UNC13C: variants seen among roughly 807,000 people sequenced by gnomAD.
UNC13C encodes unc-13 homolog C.
UNC13C carries 174 observed loss-of-function variants against 245.4 expected under a neutral mutation model. The observed-to-expected ratio is 0.71, with a 90% CI of 0.63 to 0.80. The LOEUF (loss-of-function observed/expected upper bound fraction) is 0.80. UNC13C is among the 30% of genes least tolerant of loss of function. The pLI is 0.00. For synonymous variants in UNC13C, 992 were observed against 895.1 expected (o/e 1.11, Z -1.93); for missense variants, 2,829 against 2,602.9 (o/e 1.09, Z -1.89).
At chr15:53,839,047 CT>C in the UNC13C span, among the ~76,000 whole-genome samples, 1 of 151,980 alleles carries the variant, frequency 6.6e-6, no homozygotes. Context: ...TAGCTATGAG[CT>C]TTTCTGATTC....
At chr15:53,877,441 G>A in the UNC13C span, among the ~76,000 whole-genome samples, 25,244 of 152,068 alleles carry the variant, frequency 0.17, 2,795 homozygotes, top group Non-Finnish European at 0.24. Flanking sequence ...GACTGGGTAG[G>A]GTTAATCCAG....
At chr15:54,020,262 A>AT (rs1224511101) in intron 2 of UNC13C, among the ~76,000 whole-genome samples, 1 of 149,598 alleles carries the variant, frequency 6.7e-6, no homozygotes, top group African/African-American at 2.5e-5. Context: ...AATATTAATA[A>AT]TTTTTTTCTT....
At chr15:54,151,251 C>A (rs1248240864) in intron 4 of UNC13C, among the ~76,000 whole-genome samples, 1 of 114,130 alleles carries the variant, frequency 8.8e-6, no homozygotes, top group African/African-American at 3.0e-5. Flanking sequence ...ATCTTCTGAG[C>A]TTTAGGAGGC....
chr15:54,226,544 C>G (rs79316414), intron 4 of UNC13C, among the ~76,000 whole-genome samples: 1 of 152,166 alleles, frequency 6.6e-6, no homozygotes, highest in East Asian at 1.9e-4. Context: ...GACCACTTAC[C>G]TTGTTCCATC....
the UNC13C span, among the ~76,000 whole-genome samples, chr15:53,894,301 A>G: frequency 3.3e-5 from 5 of 152,180 alleles, no homozygotes; most frequent in African/African-American, 1.2e-4. Flanking sequence ...CTTTGCTAAT[A>G]TTGGTATTTA....
chr15:54,533,423 G>A (rs1303719105), intron 26 of UNC13C, among the ~76,000 whole-genome samples: 6 of 152,180 alleles, frequency 3.9e-5, no homozygotes, highest in African/African-American at 1.4e-4. Flanking sequence ...GCTGAGTCCA[G>A]AATAGCTGAT....
At chr15:54,256,688 A>G (rs1358266295) in intron 8 of UNC13C, among the ~76,000 whole-genome samples, 1 of 152,180 alleles carries the variant, frequency 6.6e-6, no homozygotes, top group East Asian at 1.9e-4. Flanking sequence ...AACAACAACG[A>G]AAACACTATA....
chr15:53,967,857 G>C, the UNC13C span: 2 of 152,174 alleles, frequency 1.3e-5, no homozygotes, highest in African/African-American at 4.8e-5. Flanking sequence ...TGCCAACTGT[G>C]ATGCTTTGTT....
rs188093045 is a variant in UNC13C, at chr15:54,125,582, T to A, written c.2984-17436T>A. On this transcript the variant is annotated intron_variant, in intron 2 of 32. Coordinates refer to ENST00000260323, the MANE Select transcript of UNC13C (RefSeq NM_001080534.3). ...TTTTCCAATTCACAAACGTGGTACA[T>A]CTCTTCATCTATTGAGATAGTCTTT... Among the ~76,000 whole-genome samples the A allele has an allele frequency of 2.1e-3, 327 of 152,344 alleles. 3 individuals are homozygous for A. The highest frequency in any genetic ancestry group is 1.4e-3 in the Non-Finnish European group (94 of 68,020).
chr15:53,985,689 G>A (rs1043696537), intron 1 of UNC13C, among the ~76,000 whole-genome samples: 2 of 151,916 alleles, frequency 1.3e-5, no homozygotes, highest in Non-Finnish European at 2.9e-5. Flanking sequence ...GGTGGAAGAC[G>A]GATTTTTATT....
At chr15:53,921,250 G>A in the UNC13C span, among the ~76,000 whole-genome samples, 2 of 152,062 alleles carry the variant, frequency 1.3e-5, no homozygotes, top group East Asian at 1.9e-4. Flanking sequence ...TTTACTCTGC[G>A]AACTTCTCAG....
the UNC13C span, among the ~76,000 whole-genome samples, chr15:53,872,385 G>A: frequency 6.6e-6 from 1 of 152,014 alleles, no homozygotes; most frequent in Admixed American, 6.6e-5. Context: ...TTGGAGAAAT[G>A]AGGGAGTAGT....
Position 54,172,743 on chromosome 15 carries a change from T to A in UNC13C, c.3071+29059T>A, listed in dbSNP as rs1015997231. ...ATATATATATATATATATATATATATATATATATATATATATATCTTTACT... is the reference window on the plus strand; with the variant it reads ...ATATATATATATATATATATATATAAATATATATATATATATATCTTTACT... On this transcript the variant is annotated intron_variant, in intron 4 of 32. Coordinates refer to ENST00000260323, the MANE Select transcript of UNC13C (RefSeq NM_001080534.3). 1.3e-4 allele frequency among the ~76,000 whole-genome samples: 11 copies of A among 82,130 alleles called. 1 individual carries two copies. The highest frequency in any genetic ancestry group is 1.1e-3 in the South Asian group (3 of 2,728). The allele number at this position is 82,130 out of a possible 152,430, so 53.9% of individuals were successfully genotyped here. A position where few individuals can be genotyped will look rare whatever the true frequency, so the allele number is the denominator to read the frequency against.
intron 10 of UNC13C, among the ~76,000 whole-genome samples, chr15:54,278,438 A>C (rs2036891812): frequency 6.6e-6 from 1 of 152,106 alleles, no homozygotes; most frequent in South Asian, 2.1e-4. Flanking sequence ...GGAATGGCTG[A>C]ATTTCTGGAA....
chr15:54,462,726 G>A (rs372175018), intron 19 of UNC13C, among the ~76,000 whole-genome samples: 4 of 152,212 alleles, frequency 2.6e-5, no homozygotes, highest in Admixed American at 6.5e-5. Flanking sequence ...CGCCATGCCT[G>A]AGCCCCCCAA....
At position 54,626,904 on chromosome 15, in the gene UNC13C, G is replaced by C; in HGVS notation, c.6436G>C (p.Asp2146His). Residue 2146 changes from aspartate to histidine, a missense_variant, in exon 33 of 33, where the codon GAT becomes CAT. Asp to His is a moderately conservative substitution (Grantham distance 81). Transcript: ENST00000260323. The stretch of plus-strand genomic sequence containing the variant: ...TAAGGATTACTGCTTTGCCAGAGAA[G>C]ATCGAATTATCGGAATGACAGTCAT... ...SVKDYCFARE[D>H]RIIGMTVIQL... 6.2e-7 allele frequency: 1 copy of C among 1,613,358 alleles called. No homozygotes were observed. Among genetic ancestry groups the C allele is most frequent in the Non-Finnish European group, 8.5e-7 (1 of 1,179,568 alleles).
chr15:54,376,528 T>A (rs1434280016), intron 17 of UNC13C, among the ~76,000 whole-genome samples: 1 of 152,172 alleles, frequency 6.6e-6, no homozygotes, highest in East Asian at 1.9e-4. Context: ...TATTGTTACA[T>A]GAAAGTCTAA....
chr15:54,201,447 A>G (rs1482394563), intron 4 of UNC13C, among the ~76,000 whole-genome samples: 7 of 152,078 alleles, frequency 4.6e-5, no homozygotes, highest in Non-Finnish European at 1.0e-4. Context: ...CTAACAGCAT[A>G]TCAAAAAGAT....
At chr15:54,422,013 G>A (rs1185073181) in intron 19 of UNC13C, among the ~76,000 whole-genome samples, 1 of 151,968 alleles carries the variant, frequency 6.6e-6, no homozygotes, top group Admixed American at 6.6e-5. Context: ...TGGATGAAAA[G>A]CATGTCCATT....
Sources: allele counts gnomAD v4.1 joint callset (sites outside exome capture counted in the v4.1 genomes callset), GRCh38; gene constraint gnomAD v4.1.1; transcripts MANE v1.5; gene names NCBI Gene and HGNC (gene_info 2026-07-23, HGNC 2026-07-21).